Variants in HACL2 observed in about 807,000 individuals in gnomAD.
HACL2 encodes 2-hydroxyacyl-CoA lyase 1 like.
the HACL2 span, among the ~76,000 whole-genome samples, chr19:15,118,931 A>G: frequency 0.19 from 29,509 of 152,166 alleles, 3,166 homozygotes; most frequent in South Asian, 0.34. Context: ...TTATAGGTGG[A>G]TCTTGAGAAA....
chr19:15,115,773 C>G, the HACL2 span: 1 of 1,572,038 alleles, frequency 6.4e-7, no homozygotes, highest in Non-Finnish European at 8.7e-7. Context: ...AGGAGGCTCC[C>G]TCCCCACCTC....
At chr19:15,121,086 T>G in the HACL2 span, among the ~76,000 whole-genome samples, 4 of 151,916 alleles carry the variant, frequency 2.6e-5, no homozygotes, top group African/African-American at 9.7e-5. Context: ...TGGTGAAACC[T>G]CATCTCTACT....
the HACL2 span, chr19:15,115,274 C>A: frequency 6.2e-7 from 1 of 1,614,134 alleles, no homozygotes; most frequent in Non-Finnish European, 8.5e-7. Flanking sequence ...GGAGCCATCG[C>A]GGAAGTCCGT....
the HACL2 span, chr19:15,122,750 T>C: frequency 3.1e-6 from 5 of 1,614,030 alleles, no homozygotes; most frequent in South Asian, 1.1e-5. The surrounding 1 kb of genome is among the most constrained non-coding windows in gnomAD (Gnocchi z 4.0). Context: ...CATCTCCTTC[T>C]GGACCATGAA....
chr19:15,118,063 AC>A, the HACL2 span: 1 of 1,610,416 alleles, frequency 6.2e-7, no homozygotes, highest in Non-Finnish European at 8.5e-7. Flanking sequence ...CATGTCGTCT[AC>A]CTTACTTGAT....
At chr19:15,122,497 C>T in the HACL2 span, among the ~76,000 whole-genome samples, 3 of 152,192 alleles carry the variant, frequency 2.0e-5, no homozygotes, top group East Asian at 3.9e-4. This position sits in a 1 kb window ranked among gnomAD's most constrained non-coding sequence, Gnocchi z 4.0. Flanking sequence ...CCACGAGGGC[C>T]GCCTTGCTTT....
chr19:15,117,779 G>A, the HACL2 span: 1 of 1,384,770 alleles, frequency 7.2e-7, no homozygotes, highest in Non-Finnish European at 1.0e-6. Context: ...GGCAAGGTCT[G>A]GGCCTCAATC....
At chr19:15,116,084 A>C in the HACL2 span, 1 of 1,613,668 alleles carries the variant, frequency 6.2e-7, no homozygotes, top group East Asian at 2.2e-5. Flanking sequence ...AAGAGGACCA[A>C]GAGCAGGTGG....
the HACL2 span, chr19:15,123,024 C>G: frequency 7.5e-6 from 12 of 1,604,836 alleles, no homozygotes; most frequent in Non-Finnish European, 1.0e-5. The surrounding 1 kb of genome is among the most constrained non-coding windows in gnomAD (Gnocchi z 5.1). Context: ...TGGAGCGCAC[C>G]CCGGTTCTGG....
At chr19:15,123,660 G>C in the HACL2 span, 7 of 1,272,190 alleles carry the variant, frequency 5.5e-6, no homozygotes, top group Non-Finnish European at 7.9e-6. This position sits in a 1 kb window ranked among gnomAD's most constrained non-coding sequence, Gnocchi z 5.1. Flanking sequence ...CCTGCCCCAG[G>C]TAAGGGGGCA....
chr19:15,123,252 C>CA, the HACL2 span: 3 of 1,613,418 alleles, frequency 1.9e-6, no homozygotes, highest in South Asian at 2.2e-5. This position sits in a 1 kb window ranked among gnomAD's most constrained non-coding sequence, Gnocchi z 5.1. Context: ...CCCTGGAACA[C>CA]AGAGCCCATC....
chr19:15,119,545 G>A, the HACL2 span: 12 of 1,570,110 alleles, frequency 7.6e-6, no homozygotes, highest in African/African-American at 1.5e-4. Flanking sequence ...TCAAAGGGCT[G>A]TCTTTTTATT....
the HACL2 span, chr19:15,123,343 C>A: frequency 1.2e-6 from 2 of 1,608,378 alleles, no homozygotes; most frequent in Non-Finnish European, 1.7e-6. The surrounding 1 kb of genome is among the most constrained non-coding windows in gnomAD (Gnocchi z 5.1). Context: ...CACAGTCCAA[C>A]CAGTCCCCAG....
the HACL2 span, chr19:15,123,013 C>A: frequency 1.2e-6 from 2 of 1,604,068 alleles, no homozygotes; most frequent in Non-Finnish European, 1.7e-6. The surrounding 1 kb of genome is among the most constrained non-coding windows in gnomAD (Gnocchi z 5.1). Flanking sequence ...GATCAACAGC[C>A]TGGAGCGCAC....
the HACL2 span, chr19:15,116,959 A>C: frequency 1.1e-5 from 2 of 179,338 alleles, no homozygotes; most frequent in Non-Finnish European, 2.3e-5. Flanking sequence ...CAAATGATCA[A>C]ATGGAGGCTC....
chr19:15,125,002 G>A, the HACL2 span: 2 of 1,591,280 alleles, frequency 1.3e-6, no homozygotes, highest in Middle Eastern at 1.8e-4. Context: ...CCGCAGGCCA[G>A]GAGCAGGAAG....
chr19:15,123,294 C>T, the HACL2 span: 6 of 1,607,208 alleles, frequency 3.7e-6, no homozygotes, highest in Admixed American at 6.7e-5. This position sits in a 1 kb window ranked among gnomAD's most constrained non-coding sequence, Gnocchi z 5.1. Context: ...GCCATTCTTC[C>T]ACCTCTGAAA....
At chr19:15,119,979 C>T in the HACL2 span, 7 of 1,545,398 alleles carry the variant, frequency 4.5e-6, no homozygotes, top group Non-Finnish European at 6.1e-6. Context: ...AGAGGCAATT[C>T]ACCTGCTGCG....
the HACL2 span, among the ~76,000 whole-genome samples, chr19:15,120,997 G>A: frequency 4.6e-5 from 7 of 152,144 alleles, no homozygotes; most frequent in African/African-American, 1.7e-4. Context: ...CAAGAGAGAG[G>A]GGCAAGGAGA....
Sources: gnomAD v4.1 joint callset for allele counts (sites outside exome capture counted in the v4.1 genomes callset) on GRCh38, gnomAD v4.1.1 for gene constraint, Gnocchi (gnomAD v3.1) non-coding constraint, MANE v1.5 for transcripts, NCBI Gene and HGNC (gene_info 2026-07-23, HGNC 2026-07-21) for gene names.